PTPN1: variants seen among roughly 807,000 people sequenced by gnomAD.
PTPN1 encodes the protein protein tyrosine phosphatase non-receptor type 1.
PTPN1 carries 12 observed loss-of-function variants against 59.9 expected under a neutral mutation model. The ratio of observed to expected loss-of-function variants is 0.20; its 90% CI spans 0.13 to 0.32. PTPN1 has a LOEUF of 0.32. PTPN1 is among the 10% of genes least tolerant of loss of function. The pLI, the probability that PTPN1 is intolerant of heterozygous loss-of-function variation, is 1.00. For missense variants in PTPN1, 356 were observed against 549.2 expected, an observed-to-expected ratio of 0.65 and a Z score of 3.52; for synonymous variants, 178 against 203.6, an observed-to-expected ratio of 0.87 and a Z score of 1.07.
At chr20:50,558,782 C>T (rs1443217045) in intron 1 of PTPN1, among the ~76,000 whole-genome samples, 1 of 152,166 alleles carries the variant, frequency 6.6e-6, no homozygotes, top group Non-Finnish European at 1.5e-5. Flanking sequence ...GTGAGTCATA[C>T]TCCTCCAATC....
intron 1 of PTPN1, among the ~76,000 whole-genome samples, chr20:50,530,197 T>TA (rs1491098540): frequency 1.7e-4 from 25 of 146,274 alleles, no homozygotes; most frequent in African/African-American, 6.3e-4. Flanking sequence ...TTTTTTTTTT[T>TA]AGGTTTGTTT....
At chr20:50,522,620 A>G (rs765855988) in intron 1 of PTPN1, among the ~76,000 whole-genome samples, 4 of 152,226 alleles carry the variant, frequency 2.6e-5, no homozygotes, top group Non-Finnish European at 5.9e-5. Flanking sequence ...TTGAACACCT[A>G]TTACTCTATA....
chr20:50,526,386 G>A (rs2082575658), intron 1 of PTPN1, among the ~76,000 whole-genome samples: 1 of 151,846 alleles, frequency 6.6e-6, no homozygotes, highest in African/African-American at 2.4e-5. Flanking sequence ...CAGCTTAGTT[G>A]TATTTTAAAT....
At chr20:50,532,536 G>C (rs911916670) in intron 1 of PTPN1, among the ~76,000 whole-genome samples, 4 of 152,130 alleles carry the variant, frequency 2.6e-5, no homozygotes, top group Admixed American at 6.5e-5. Context: ...TGTTGTGAAT[G>C]GTGGTTAAAT....
At chr20:50,567,933 G>A (rs1012855748) in intron 3 of PTPN1, among the ~76,000 whole-genome samples, 4 of 152,202 alleles carry the variant, frequency 2.6e-5, no homozygotes, top group African/African-American at 9.6e-5. Flanking sequence ...GGAAACTGGG[G>A]CAGGGAGCGA....
At chr20:50,516,904 G>A (rs562023955) in intron 1 of PTPN1, among the ~76,000 whole-genome samples, 1 of 152,300 alleles carries the variant, frequency 6.6e-6, no homozygotes, top group South Asian at 2.1e-4. Flanking sequence ...TAATATGATA[G>A]TTTACACATC....
chr20:50,510,607 G>C lies in PTPN1; in HGVS notation c.63+17G>C. Reference sequence around the variant, plus strand: ...ATTTACCAGGTGCGGGAGCGCCCCGGAGCGTGGCGGGCCCTTCGCTTAGGC... The same window carrying C: ...ATTTACCAGGTGCGGGAGCGCCCCGCAGCGTGGCGGGCCCTTCGCTTAGGC... On this transcript the variant is annotated intron_variant, in intron 1 of 9. Coordinates refer to ENST00000371621, the MANE Select transcript of PTPN1 (RefSeq NM_002827.4). 1.3e-6 allele frequency: 2 copies of C among 1,550,246 alleles called. No individual in the cohort carries two copies. The highest frequency in any genetic ancestry group is 1.7e-6 in the Non-Finnish European group (2 of 1,146,298).
intron 1 of PTPN1, among the ~76,000 whole-genome samples, chr20:50,533,148 A>G (rs1480393204): frequency 6.6e-6 from 1 of 151,896 alleles, no homozygotes; most frequent in Admixed American, 6.6e-5. Flanking sequence ...GCGAATTTCT[A>G]AATCTAAATG....
intron 1 of PTPN1, among the ~76,000 whole-genome samples, chr20:50,528,954 G>T (rs2082589267): frequency 6.6e-6 from 1 of 152,060 alleles, no homozygotes; most frequent in African/African-American, 2.4e-5. Context: ...TCTGTATGTG[G>T]TGTTTTCCCC....
In PTPN1 at chr20:50,538,030, G is replaced by A. The variant is rs146716403; in HGVS notation, c.64-23333G>A. Reference sequence around the variant, plus strand: ...TGTTCTCAGGTGGTAATAGGCCATCGAGCTTTCTCCACTGGCTGCCTCTCT... The same window carrying A: ...TGTTCTCAGGTGGTAATAGGCCATCAAGCTTTCTCCACTGGCTGCCTCTCT... On this transcript the variant is annotated intron_variant, in intron 1 of 9. Transcript: ENST00000371621. Among the ~76,000 whole-genome samples, 274 of 152,204 alleles carry A rather than the reference G, an allele frequency of 1.8e-3. 2 individuals are homozygous for A. The highest frequency in any genetic ancestry group is 6.8e-3 in the Middle Eastern group (2 of 294).
chr20:50,512,599 G>T (rs1297534894), intron 1 of PTPN1, among the ~76,000 whole-genome samples: 1 of 152,150 alleles, frequency 6.6e-6, no homozygotes, highest in Non-Finnish European at 1.5e-5. Flanking sequence ...CACATTCCCT[G>T]AGGTAGTTTC....
At chr20:50,539,409 T>C (rs2082638891) in intron 1 of PTPN1, among the ~76,000 whole-genome samples, 1 of 152,180 alleles carries the variant, frequency 6.6e-6, no homozygotes, top group Admixed American at 6.5e-5. Context: ...CAATCTTCTG[T>C]GAATCAACAG....
intron 1 of PTPN1, chr20:50,557,902 G>A (rs2082732855): frequency 6.6e-6 from 1 of 152,114 alleles, no homozygotes; most frequent in South Asian, 2.1e-4. Flanking sequence ...TGCAGCCCAG[G>A]ACTCCTGGGC....
chr20:50,584,981 C>CA lies in PTPN1; in HGVS notation c.*2267dup, dbSNP rs2082892711. ...TGAGCTTGTTGAACACCTTAGGCCT[C>CA]AGCCCATTTCCTTCCCAAATTGACG... On this transcript the variant is annotated 3_prime_UTR_variant, in exon 10 of 10. Transcript: ENST00000371621. The CA allele has an allele frequency of 6.6e-6, 1 of 152,228 alleles. No individual in the cohort carries two copies. The highest frequency in any genetic ancestry group is 1.5e-5 in the Non-Finnish European group (1 of 68,050). 9.4% of individuals were successfully genotyped at this position (152,228 alleles called of 1,614,324 possible).
chr20:50,537,013 A>T (rs2082626700), intron 1 of PTPN1, among the ~76,000 whole-genome samples: 1 of 152,240 alleles, frequency 6.6e-6, no homozygotes, highest in Non-Finnish European at 1.5e-5. Flanking sequence ...ATAATTGTAG[A>T]TTCCTGTGCA....
intron 1 of PTPN1, among the ~76,000 whole-genome samples, chr20:50,538,726 A>T (rs746232549): frequency 2.0e-5 from 3 of 152,148 alleles, no homozygotes; most frequent in Non-Finnish European, 2.9e-5. Flanking sequence ...TATCTTTATT[A>T]TATGCCCTTC....
chr20:50,538,964 T>G (rs1381725807), intron 1 of PTPN1, among the ~76,000 whole-genome samples: 2 of 151,790 alleles, frequency 1.3e-5, no homozygotes, highest in East Asian at 3.9e-4. Context: ...TTGTCTCCCT[T>G]ACATCCTTCT....
intron 2 of PTPN1, 148 bp from the exon 3 acceptor site, chr20:50,564,818 CTGA>C (rs772494016): frequency 1.6e-5 from 20 of 1,226,152 alleles, no homozygotes; most frequent in Admixed American, 6.1e-5. Context: ...TCGCCCCATA[CTGA>C]TGACTAATCT....
intron 5 of PTPN1, among the ~76,000 whole-genome samples, chr20:50,575,682 G>A (rs761187314): frequency 6.6e-6 from 1 of 152,138 alleles, no homozygotes; most frequent in Non-Finnish European, 1.5e-5. Context: ...CCAGCACTTG[G>A]GGAGGCTGAG....
Sources: allele counts gnomAD v4.1 joint callset (sites outside exome capture counted in the v4.1 genomes callset), GRCh38; gene constraint gnomAD v4.1.1; transcripts MANE v1.5; gene names NCBI Gene and HGNC (gene_info 2026-07-23, HGNC 2026-07-21).